Variants in POC1B observed in about 807,000 individuals in gnomAD.
The protein encoded by POC1B is POC1 centriolar protein homolog B.
In POC1B, 44 loss-of-function variants were observed where a neutral mutation model predicts 60.6. The observed-to-expected ratio is 0.73, with a 90% CI of 0.57 to 0.93. POC1B has a LOEUF of 0.93. Ranked by LOEUF, POC1B falls within the 40% of genes least tolerant of loss-of-function variation. The probability of loss-of-function intolerance (pLI) is 0.00; values close to 1 mark genes in which losing one functional copy is unlikely to be tolerated. For missense variants in POC1B, 555 were observed against 572.3 expected (o/e 0.97, Z 0.31); for synonymous variants, 180 against 198.9 (o/e 0.90, Z 0.80).
chr12:89,490,435 C>T (rs1277700640), intron 4 of POC1B, among the ~76,000 whole-genome samples: 2 of 152,092 alleles, frequency 1.3e-5, no homozygotes, highest in Non-Finnish European at 1.5e-5. Flanking sequence ...CCCTCTGCCT[C>T]CTGGATTCAA....
chr12:89,446,086 T>C (rs1881773770), intron 10 of POC1B, among the ~76,000 whole-genome samples: 1 of 152,086 alleles, frequency 6.6e-6, no homozygotes, highest in South Asian at 2.1e-4. Flanking sequence ...ATGGCGATCA[T>C]TAAAAAGTCA....
intron 11 of POC1B, among the ~76,000 whole-genome samples, chr12:89,421,773 C>T (rs1265878163): frequency 1.3e-5 from 2 of 152,158 alleles, no homozygotes; most frequent in Non-Finnish European, 2.9e-5. Flanking sequence ...AGTTCCCTCA[C>T]ACAGAAGATG....
At chr12:89,511,493 G>T (rs941637519) in intron 2 of POC1B, among the ~76,000 whole-genome samples, 4 of 151,650 alleles carry the variant, frequency 2.6e-5, no homozygotes, top group Non-Finnish European at 5.9e-5. Context: ...TATTTCAGAA[G>T]TCCTTCTCTG....
At chr12:89,492,951 AC>A (rs1389737932) in intron 3 of POC1B, among the ~76,000 whole-genome samples, 2 of 152,034 alleles carry the variant, frequency 1.3e-5, no homozygotes, top group Non-Finnish European at 2.9e-5. Flanking sequence ...CCTGCCAGTC[AC>A]CTACATATTG....
chr12:89,524,934 T>C (rs2135784377), intron 2 of POC1B, 186 bp downstream of exon 2: 1 of 945,520 alleles, frequency 1.1e-6, no homozygotes. Context: ...GGCCGGGGGC[T>C]GGGGGCCGGG....
In POC1B at chr12:89,425,240, C is replaced by G. The variant is rs1372286030; in HGVS notation, c.1253G>C (p.Cys418Ser). 6.2e-7 allele frequency: 1 copy of G among 1,614,118 alleles called. No individual in the cohort carries two copies. The highest frequency in any genetic ancestry group is 1.1e-5 in the South Asian group (1 of 91,082). Residue 418 changes from cysteine (C) to serine (S), a missense_variant, in exon 11 of 12, where the codon TGT becomes TCT. By Grantham distance (112) the Cys-to-Ser change is moderately radical. Coordinates refer to ENST00000313546, the MANE Select transcript of POC1B (RefSeq NM_172240.3). ...GAGAGGTATGCTCCTTTGACTTTCA[C>G]AGGGGAGGTCACTCATGTCTTCTGT... ...KKTEDMSDLP[C>S]ESQRSIPLAV...
chr12:89,485,169 A>G (rs1395512278), intron 4 of POC1B: 2 of 152,248 alleles, frequency 1.3e-5, no homozygotes, highest in Non-Finnish European at 2.9e-5. Context: ...ACCTTCAGGT[A>G]TAGAGTGAAA....
intron 10 of POC1B, among the ~76,000 whole-genome samples, chr12:89,442,137 C>T (rs548267735): frequency 5.1e-4 from 78 of 152,228 alleles, no homozygotes; most frequent in Non-Finnish European, 9.3e-4. Context: ...GACTGGTGTA[C>T]CGGAAAGTGA....
intron 10 of POC1B, among the ~76,000 whole-genome samples, chr12:89,434,835 T>C (rs1881186167): frequency 6.6e-6 from 1 of 152,218 alleles, no homozygotes; most frequent in African/African-American, 2.4e-5. Context: ...TATAGTTATC[T>C]TTCACACTGT....
chr12:89,404,964 T>C, the POC1B span, among the ~76,000 whole-genome samples: 34 of 152,326 alleles, frequency 2.2e-4, no homozygotes, highest in Non-Finnish European at 2.9e-4. Flanking sequence ...GTATTCGGCA[T>C]CACCAATGAA....
In POC1B at chr12:89,430,918, A is replaced by AC. The variant is rs367777909; in HGVS notation, c.1114-5540dup. On this transcript the variant is annotated intron_variant, in intron 10 of 11. Transcript: ENST00000313546. ...TTGATAGTATTTGAAGAGAAATATT[A>AC]CCCCCCAAAGTTAAACTAATGCCAT... Among the ~76,000 whole-genome samples, 234 of 152,090 alleles carry AC rather than the reference A, an allele frequency of 1.5e-3. 1 individual carries two copies. Among genetic ancestry groups the AC allele is most frequent in the African/African-American group, 5.4e-3 (222 of 41,462 alleles).
chr12:89,460,944 G>A (rs1020072252), intron 9 of POC1B: 8 of 152,014 alleles, frequency 5.3e-5, no homozygotes, highest in African/African-American at 1.9e-4. Flanking sequence ...TAAACAAAGA[G>A]CAACAAAGAT....
chr12:89,448,171 G>A (rs1409797067), intron 10 of POC1B, among the ~76,000 whole-genome samples: 2 of 152,082 alleles, frequency 1.3e-5, no homozygotes, highest in East Asian at 3.9e-4. Flanking sequence ...TGGGCATGGT[G>A]GTTCATGCCT....
chr12:89,464,265 T>C (rs1224863794), intron 9 of POC1B, among the ~76,000 whole-genome samples: 1 of 152,178 alleles, frequency 6.6e-6, no homozygotes, highest in African/African-American at 2.4e-5. Flanking sequence ...AAAGTAAAGT[T>C]TACTAATCAT....
intron 10 of POC1B, among the ~76,000 whole-genome samples, chr12:89,433,724 G>A (rs747502023): frequency 2.2e-4 from 33 of 152,172 alleles, no homozygotes; most frequent in Admixed American, 6.5e-5. Flanking sequence ...CACTAAGTTT[G>A]CCATCAGCAC....
At chr12:89,403,287 G>A in the POC1B span, among the ~76,000 whole-genome samples, 2 of 152,346 alleles carry the variant, frequency 1.3e-5, no homozygotes, top group African/African-American at 4.8e-5. Flanking sequence ...GATTATAGGC[G>A]TGAGCCACCA....
chr12:89,458,135 C>G (rs1882330987), intron 10 of POC1B, among the ~76,000 whole-genome samples: 1 of 152,164 alleles, frequency 6.6e-6, no homozygotes, highest in Non-Finnish European at 1.5e-5. Context: ...ATGATATTTT[C>G]TAGGCCAGAA....
rs56061239 is a variant in POC1B at position 89,435,179 on chromosome 12, C to CT, written c.1114-9801dup. On this transcript the variant is annotated intron_variant, in intron 10 of 11. Coordinates refer to ENST00000313546, the MANE Select transcript of POC1B (RefSeq NM_172240.3). ...AAAAATCTCCAGGAAGAATGACATT[C>CT]TTTTTTTTTTTTTTTTTTTGAGATG... Among the ~76,000 whole-genome samples the CT allele has an allele frequency of 5.7e-3, 651 of 113,496 alleles. 31 individuals are homozygous for CT. In the East Asian group the frequency reaches 0.11, roughly 19 times the overall value. 74.5% of individuals were successfully genotyped at this position (113,496 alleles called of 152,430 possible).
At chr12:89,501,701 TA>T in intron 2 of POC1B, 1 of 977,036 alleles carries the variant, frequency 1.0e-6, no homozygotes, top group Non-Finnish European at 1.6e-6. Context: ...TGGTGGGTGG[TA>T]AAATCAGAGG....
Sources: allele counts gnomAD v4.1 joint callset (sites outside exome capture counted in the v4.1 genomes callset), GRCh38; gene constraint gnomAD v4.1.1; transcripts MANE v1.5; gene names NCBI Gene and HGNC (gene_info 2026-07-23, HGNC 2026-07-21).